TTC23: variants seen among roughly 807,000 people sequenced by gnomAD.
TTC23 encodes tetratricopeptide repeat domain 23, also known as tetratricopeptide repeat protein 23.
A neutral mutation model predicts 55.1 loss-of-function variants in TTC23; 58 were observed. That is an observed-to-expected ratio of 1.05 (90% CI 0.85 to 1.31). The LOEUF (loss-of-function observed/expected upper bound fraction) is 1.31. TTC23 is among the 50% of genes most tolerant of loss of function. TTC23 has a pLI of 0.00. For synonymous variants in TTC23, 203 were observed against 199.9 expected (o/e 1.02, Z -0.13); for missense variants, 516 against 534.4 (o/e 0.97, Z 0.34).
At chr15:99,162,385 T>C (rs1271892936) in intron 10 of TTC23, among the ~76,000 whole-genome samples, 2 of 152,240 alleles carry the variant, frequency 1.3e-5, no homozygotes, top group African/African-American at 4.8e-5. Context: ...TTCAACATAC[T>C]GGTTATAATA....
intron 8 of TTC23, among the ~76,000 whole-genome samples, chr15:99,201,328 A>G (rs2076180309): frequency 6.6e-6 from 1 of 152,174 alleles, no homozygotes; most frequent in Non-Finnish European, 1.5e-5. Context: ...CATATTTGTT[A>G]AGACTATTAG....
intron 12 of TTC23, among the ~76,000 whole-genome samples, chr15:99,147,257 G>A (rs1670203): frequency 0.23 from 28,462 of 122,962 alleles, 3,986 homozygotes; most frequent in African/African-American, 0.44. Context: ...ACAGAGTCTC[G>A]CTCTGTCACC....
At chr15:99,194,044 T>C (rs1226197269) in intron 9 of TTC23, among the ~76,000 whole-genome samples, 1 of 152,136 alleles carries the variant, frequency 6.6e-6, no homozygotes, top group African/African-American at 2.4e-5. Flanking sequence ...TTGAAACTTT[T>C]ACTAAAGTTT....
intron 10 of TTC23, among the ~76,000 whole-genome samples, chr15:99,168,329 T>C (rs1045319102): frequency 1.3e-5 from 2 of 152,108 alleles, no homozygotes; most frequent in Non-Finnish European, 2.9e-5. Context: ...CTGGTCGCCA[T>C]TGGGATCTGC....
intron 9 of TTC23, among the ~76,000 whole-genome samples, chr15:99,191,946 T>C (rs1366312162): frequency 6.6e-6 from 1 of 152,142 alleles, no homozygotes; most frequent in African/African-American, 2.4e-5. Context: ...TGGTCTCAGA[T>C]GGAGATGAGG....
chr15:99,193,940 T>G (rs1352113479), intron 9 of TTC23, among the ~76,000 whole-genome samples: 1 of 151,286 alleles, frequency 6.6e-6, no homozygotes, highest in Non-Finnish European at 1.5e-5. Context: ...ACCTGGGAGG[T>G]GGAGGTTGCA....
intron 10 of TTC23, among the ~76,000 whole-genome samples, chr15:99,162,962 T>C (rs1208923497): frequency 6.6e-6 from 1 of 151,884 alleles, no homozygotes; most frequent in Non-Finnish European, 1.5e-5. Flanking sequence ...GTGCACCTGT[T>C]GTCCCAGCTA....
rs576940828 is a variant in TTC23 at position 99,192,499 on chromosome 15, C to A, written c.759+7420G>T. Among the ~76,000 whole-genome samples, 19 of 152,308 alleles carry A rather than the reference C, an allele frequency of 1.2e-4. No homozygotes were observed. The East Asian group carries it at 3.5e-3, about 28-fold the overall frequency. On this transcript the variant is annotated intron_variant, in intron 9 of 13. Coordinates refer to ENST00000394132, the MANE Select transcript of TTC23 (RefSeq NM_001288615.3). ...GGGCTGTGGCTTCAGAGGGTGCAAG[C>A]CTGAAGACTTGGCAGCTTCCTCATG...
At chr15:99,205,696 A>G (rs1053797371) in intron 8 of TTC23, among the ~76,000 whole-genome samples, 15 of 151,892 alleles carry the variant, frequency 9.9e-5, no homozygotes, top group African/African-American at 2.7e-4. Flanking sequence ...ATCAGTTCTC[A>G]TAGCTTTTTG....
intron 1 of TTC23, among the ~76,000 whole-genome samples, chr15:99,248,523 T>C (rs539550143): frequency 1.3e-5 from 2 of 152,348 alleles, no homozygotes; most frequent in South Asian, 4.1e-4. Flanking sequence ...ATTCTGCCCA[T>C]TGCTCAGGCC....
At chr15:99,182,585 T>G (rs2074258522) in intron 9 of TTC23, among the ~76,000 whole-genome samples, 1 of 152,178 alleles carries the variant, frequency 6.6e-6, no homozygotes, top group Non-Finnish European at 1.5e-5. Flanking sequence ...CACAGAGTAG[T>G]TTTTCATTTT....
chr15:99,149,940 T>C (rs1555496042), intron 12 of TTC23, among the ~76,000 whole-genome samples: 1 of 152,212 alleles, frequency 6.6e-6, no homozygotes, highest in African/African-American at 2.4e-5. Flanking sequence ...CACCCCCCTC[T>C]ATTCTGAGGT....
intron 12 of TTC23, among the ~76,000 whole-genome samples, chr15:99,150,599 C>T (rs2069584301): frequency 2.0e-5 from 3 of 152,194 alleles, no homozygotes; most frequent in Admixed American, 1.3e-4. Context: ...TATAGTTCTA[C>T]TAACAAGAAA....
At chr15:99,178,385 G>A (rs564755852) in intron 9 of TTC23, among the ~76,000 whole-genome samples, 4 of 152,124 alleles carry the variant, frequency 2.6e-5, no homozygotes, top group South Asian at 4.2e-4. Flanking sequence ...GAGGGAAGGG[G>A]GTTTGACGGG....
intron 5 of TTC23, among the ~76,000 whole-genome samples, chr15:99,223,812 A>G (rs2078154682): frequency 6.6e-6 from 1 of 152,256 alleles, no homozygotes; most frequent in Admixed American, 6.5e-5. Flanking sequence ...CAGGCTCATG[A>G]GAAAAATGAA....
At chr15:99,172,997 T>G (rs1004551810) in intron 10 of TTC23, among the ~76,000 whole-genome samples, 2 of 152,168 alleles carry the variant, frequency 1.3e-5, no homozygotes, top group Non-Finnish European at 2.9e-5. Flanking sequence ...ATTCACTAGG[T>G]CCCACTCAAT....
chr15:99,153,991 G>A (rs1025339481), intron 12 of TTC23, among the ~76,000 whole-genome samples: 32 of 152,172 alleles, frequency 2.1e-4, no homozygotes, highest in Non-Finnish European at 4.4e-4. Context: ...AAGTGAAATG[G>A]ATAATTATCT....
At chr15:99,182,130 T>C (rs2074182201) in intron 9 of TTC23, among the ~76,000 whole-genome samples, 1 of 152,078 alleles carries the variant, frequency 6.6e-6, no homozygotes. Context: ...CAATTGAAAT[T>C]AAAAATACTC....
intron 8 of TTC23, among the ~76,000 whole-genome samples, chr15:99,216,752 A>G (rs2623184): frequency 0.72 from 109,544 of 152,122 alleles, 40,291 homozygotes; most frequent in African/African-American, 0.86. Flanking sequence ...GAACCTACCC[A>G]CCCTGCAAGT....
Sources: gnomAD v4.1 joint callset for allele counts (sites outside exome capture counted in the v4.1 genomes callset) on GRCh38, gnomAD v4.1.1 for gene constraint, MANE v1.5 for transcripts, NCBI Gene and HGNC (gene_info 2026-07-23, HGNC 2026-07-21) for gene names.